The following GREB1L variants were observed in gnomAD, a reference collection of about 807,000 sequenced individuals.
The protein encoded by GREB1L is GREB1-like protein.
A neutral mutation model predicts 200.8 loss-of-function variants in GREB1L; 17 were observed. The ratio of observed to expected loss-of-function variants is 0.08; its 90% CI spans 0.06 to 0.13. The LOEUF (loss-of-function observed/expected upper bound fraction) is 0.13. Ranked by LOEUF, GREB1L falls within the 10% of genes least tolerant of loss-of-function variation. The pLI is 1.00. For synonymous variants in GREB1L, 789 were observed against 893.0 expected (o/e 0.88, Z 2.08); for missense variants, 1,657 against 2,367.7 (o/e 0.70, Z 6.23).
rs371753164 is a variant in GREB1L, at chr18:21,505,966, G to A, written c.4368+17G>A. ...GCCTCCCAGGTACCATCCCACCTTC[G>A]CCCTCGCCCTCTGTCACCCAGTATG... On this transcript the variant is annotated intron_variant, in intron 25 of 32. Coordinates refer to ENST00000424526, the MANE Select transcript of GREB1L (RefSeq NM_001142966.3). The A allele has an allele frequency of 9.1e-6, 14 of 1,545,844 alleles. No homozygotes were observed. The highest frequency in any genetic ancestry group is 1.7e-4 in the Middle Eastern group (1 of 5,894).
chr18:21,254,629 C>T (rs1231522947), intron 1 of GREB1L, among the ~76,000 whole-genome samples: 1 of 152,102 alleles, frequency 6.6e-6, no homozygotes, highest in Non-Finnish European at 1.5e-5. Context: ...ATATCACCAA[C>T]ATTTCTCAGG....
chr18:21,412,051 C>CAA (rs962603456), intron 7 of GREB1L, among the ~76,000 whole-genome samples: 58 of 30,442 alleles, frequency 1.9e-3, no homozygotes, highest in Middle Eastern at 0.013. Flanking sequence ...GACTCCGTCT[C>CAA]AAAAAAAAAA....
In GREB1L at chr18:21,500,223, G is replaced by C; in HGVS notation, c.3886G>C (p.Ala1296Pro). ...RQWTLARQHH[A>P]DYSNQLDPAS... ...GTGGACCTTGGCCCGGCAGCACCACGCTGACTATAGCAACCAGCTGGACCC... is the reference window on the plus strand; with the variant it reads ...GTGGACCTTGGCCCGGCAGCACCACCCTGACTATAGCAACCAGCTGGACCC... The change falls in exon 22 of 33, where the codon GCT becomes CCT. Residue 1296 changes from alanine to proline, a missense_variant. This residue lies in a region of GREB1L where 512 missense variants were observed against 668.3 expected (regional missense o/e 0.77). Transcript: ENST00000424526. 6.5e-7 allele frequency: 1 copy of C among 1,534,250 alleles called. No homozygotes were observed. The highest frequency in any genetic ancestry group is 8.8e-7 in the Non-Finnish European group (1 of 1,137,626).
At chr18:21,369,617 A>T (rs562485450) in intron 2 of GREB1L, among the ~76,000 whole-genome samples, 1 of 152,200 alleles carries the variant, frequency 6.6e-6, no homozygotes, top group Admixed American at 6.5e-5. Flanking sequence ...TTCTAAAAAA[A>T]TTTAATATAT....
intron 1 of GREB1L, among the ~76,000 whole-genome samples, chr18:21,275,253 A>G (rs2038143144): frequency 6.6e-6 from 1 of 151,798 alleles, no homozygotes; most frequent in African/African-American, 2.4e-5. Context: ...TAAATAAATA[A>G]AAATGTTGGT....
chr18:21,332,578 G>A (rs563342644), intron 1 of GREB1L, among the ~76,000 whole-genome samples: 17 of 152,184 alleles, frequency 1.1e-4, no homozygotes, highest in Non-Finnish European at 2.5e-4. Flanking sequence ...GGGTTTAAGC[G>A]ATTCTCCAGT....
intron 15 of GREB1L, chr18:21,468,580 C>A: frequency 5.3e-6 from 2 of 374,888 alleles, no homozygotes; most frequent in Non-Finnish European, 1.1e-5. Flanking sequence ...TCATAGAGTT[C>A]GCTAAACCCT....
At chr18:21,256,395 T>C (rs1307875571) in intron 1 of GREB1L, among the ~76,000 whole-genome samples, 2 of 152,168 alleles carry the variant, frequency 1.3e-5, no homozygotes, top group Non-Finnish European at 1.5e-5. Context: ...GCACAGTGAA[T>C]GATCAAGGTG....
At chr18:21,255,851 A>C (rs2037791316) in intron 1 of GREB1L, among the ~76,000 whole-genome samples, 1 of 152,228 alleles carries the variant, frequency 6.6e-6, no homozygotes. Flanking sequence ...CAAAACATCG[A>C]ATATAAAATA....
chr18:21,414,754 C>A (rs1251149080), intron 7 of GREB1L, among the ~76,000 whole-genome samples: 2 of 152,078 alleles, frequency 1.3e-5, no homozygotes, highest in African/African-American at 4.8e-5. Context: ...GGGAGAACAC[C>A]ACGGTTATAG....
chr18:21,428,847 T>C (rs989218699), intron 7 of GREB1L, among the ~76,000 whole-genome samples: 5 of 151,372 alleles, frequency 3.3e-5, no homozygotes, highest in African/African-American at 1.2e-4. Flanking sequence ...CCTCCCGAGT[T>C]GCTGAGATTA....
chr18:21,404,503 A>T (rs2029938965), intron 7 of GREB1L, among the ~76,000 whole-genome samples: 1 of 152,212 alleles, frequency 6.6e-6, no homozygotes, highest in Admixed American at 6.5e-5. Flanking sequence ...GAATAACTAG[A>T]TAAAATCTTA....
At chr18:21,261,582 C>T (rs1228792907) in intron 1 of GREB1L, among the ~76,000 whole-genome samples, 1 of 151,856 alleles carries the variant, frequency 6.6e-6, no homozygotes, top group Non-Finnish European at 1.5e-5. Context: ...GTTAAAAAAA[C>T]AAACAAGTAG....
At chr18:21,345,847 T>G (rs2039336555) in intron 1 of GREB1L, among the ~76,000 whole-genome samples, 1 of 143,678 alleles carries the variant, frequency 7.0e-6, no homozygotes. Context: ...ACTCCAGCCT[T>G]GGGGACAGAG....
At chr18:21,436,726 T>C (rs1252679844) in intron 7 of GREB1L, among the ~76,000 whole-genome samples, 1 of 148,672 alleles carries the variant, frequency 6.7e-6, no homozygotes, top group Non-Finnish European at 1.5e-5. Context: ...GTTTTCTTTT[T>C]CTGAAACAGG....
intron 4 of GREB1L, among the ~76,000 whole-genome samples, chr18:21,386,590 T>A (rs1233306954): frequency 2.2e-5 from 3 of 136,952 alleles, no homozygotes; most frequent in Non-Finnish European, 3.0e-5. Context: ...GCCTGGCCAG[T>A]AGCTTTTTTT....
At chr18:21,421,666 C>A (rs562152104) in intron 7 of GREB1L, among the ~76,000 whole-genome samples, 1 of 152,294 alleles carries the variant, frequency 6.6e-6, no homozygotes, top group South Asian at 2.1e-4. Context: ...GTTCTAGGTT[C>A]TGTGCTAAAC....
At chr18:21,426,300 G>A (rs1280715230) in intron 7 of GREB1L, among the ~76,000 whole-genome samples, 2 of 151,890 alleles carry the variant, frequency 1.3e-5, no homozygotes, top group African/African-American at 4.8e-5. Context: ...CTCGTGATCC[G>A]CCTGCCTCAG....
At chr18:21,460,216 C>A (rs1406450752) in intron 15 of GREB1L, among the ~76,000 whole-genome samples, 1 of 152,160 alleles carries the variant, frequency 6.6e-6, no homozygotes, top group Non-Finnish European at 1.5e-5. Context: ...CTCTTGTGGC[C>A]CAGGCTGGAG....
Sources: allele counts gnomAD v4.1 joint callset (sites outside exome capture counted in the v4.1 genomes callset), GRCh38; gene constraint gnomAD v4.1.1; regional missense constraint gnomAD v4.1.1; transcripts MANE v1.5; gene names NCBI Gene and HGNC (gene_info 2026-07-23, HGNC 2026-07-21).